GLIS1: variants seen among roughly 807,000 people sequenced by gnomAD.
The protein encoded by GLIS1 is GLIS family zinc finger 1, also known as zinc finger protein GLIS1.
A neutral mutation model predicts 63.8 loss-of-function variants in GLIS1; 24 were observed. The ratio of observed to expected loss-of-function variants is 0.38; its 90% CI spans 0.27 to 0.53. The LOEUF (loss-of-function observed/expected upper bound fraction) is 0.53. Ranked by LOEUF, GLIS1 falls within the 20% of genes least tolerant of loss-of-function variation. The pLI is 0.85. For synonymous variants in GLIS1, 450 were observed against 482.5 expected (o/e 0.93, Z 0.88); for missense variants, 1,036 against 1,074.1 (o/e 0.96, Z 0.50).
chr1:53,619,757 C>T (rs1021047304), intron 2 of GLIS1, among the ~76,000 whole-genome samples: 1 of 152,352 alleles, frequency 6.6e-6, no homozygotes, highest in East Asian at 1.9e-4. Flanking sequence ...TGAGAAGCAT[C>T]CCTCAGCCAT....
At chr1:53,616,768 G>A (rs903596784) in intron 2 of GLIS1, among the ~76,000 whole-genome samples, 3 of 152,138 alleles carry the variant, frequency 2.0e-5, no homozygotes, top group African/African-American at 4.8e-5. Flanking sequence ...GGCACAATCC[G>A]GAGATCCAGC....
chr1:53,648,147 C>T (rs1330423383), intron 2 of GLIS1, among the ~76,000 whole-genome samples: 1 of 151,834 alleles, frequency 6.6e-6, no homozygotes, highest in Non-Finnish European at 1.5e-5. Flanking sequence ...GCATTCCAGC[C>T]TGAGCAACAA....
intron 3 of GLIS1, among the ~76,000 whole-genome samples, chr1:53,597,849 C>T (rs995014870): frequency 2.6e-5 from 4 of 151,928 alleles, no homozygotes; most frequent in African/African-American, 7.3e-5. Context: ...TCTCCTGTGC[C>T]GTAAATTGTC....
chr1:53,597,269 A>T (rs1001646982), intron 3 of GLIS1, among the ~76,000 whole-genome samples: 8 of 137,334 alleles, frequency 5.8e-5, no homozygotes, highest in African/African-American at 2.2e-4. Context: ...GCTACTCGGG[A>T]GCCTGAGGCA....
intron 2 of GLIS1, among the ~76,000 whole-genome samples, chr1:53,672,768 C>T (rs1018490669): frequency 6.6e-5 from 10 of 152,194 alleles, no homozygotes; most frequent in Non-Finnish European, 1.2e-4. Flanking sequence ...CTCCCCTTCC[C>T]GACACAAACC....
chr1:53,605,146 G>A (rs1424644959), intron 2 of GLIS1, among the ~76,000 whole-genome samples: 1 of 152,028 alleles, frequency 6.6e-6, no homozygotes, highest in Non-Finnish European at 1.5e-5. Context: ...TTACAGGGTG[G>A]AGCTGAGGGT....
chr1:53,537,402 A>C (rs1381269343), intron 4 of GLIS1, among the ~76,000 whole-genome samples: 4 of 152,234 alleles, frequency 2.6e-5, no homozygotes, highest in Admixed American at 6.5e-5. Context: ...CTCCTGGGGA[A>C]GAACCAAGGG....
rs148798944 is a variant in GLIS1, at chr1:53,548,185, C to T, written c.1321-18233G>A. ...AGATGATCTCACAGGGCCGTTCTGGCTCTGGCACTCCACATCCAGGGTGTG... is the reference window on the plus strand; with the variant it reads ...AGATGATCTCACAGGGCCGTTCTGGTTCTGGCACTCCACATCCAGGGTGTG... On this transcript the variant is annotated intron_variant, in intron 4 of 10. Transcript: ENST00000628545. 7.4e-4 allele frequency among the ~76,000 whole-genome samples: 112 copies of T among 152,312 alleles called. 1 individual carries two copies. Among genetic ancestry groups the T allele is most frequent in the African/African-American group, 2.6e-3 (108 of 41,578 alleles).
chr1:53,612,820 C>CTT (rs11303017), intron 2 of GLIS1, among the ~76,000 whole-genome samples: 1 of 122,708 alleles, frequency 8.1e-6, no homozygotes, highest in African/African-American at 3.0e-5. Context: ...TCTTTGATGC[C>CTT]TTTTTTTTTT....
intron 2 of GLIS1, among the ~76,000 whole-genome samples, chr1:53,649,605 A>T (rs1289920013): frequency 6.6e-6 from 1 of 152,250 alleles, no homozygotes; most frequent in African/African-American, 2.4e-5. Context: ...AAGTCATGAC[A>T]TGACAAGAAA....
intron 4 of GLIS1, among the ~76,000 whole-genome samples, chr1:53,535,328 G>A (rs1200364442): frequency 1.3e-5 from 2 of 152,072 alleles, no homozygotes; most frequent in African/African-American, 4.8e-5. Flanking sequence ...CAGGGCTGAT[G>A]CCCTGGGTCT....
At chr1:53,530,330 A>G (rs894342118) in intron 4 of GLIS1, among the ~76,000 whole-genome samples, 17 of 152,302 alleles carry the variant, frequency 1.1e-4, no homozygotes, top group African/African-American at 4.1e-4. Flanking sequence ...GAAATAGGGA[A>G]GGACCCACAG....
intron 2 of GLIS1, among the ~76,000 whole-genome samples, chr1:53,735,918 A>G (rs1404760003): frequency 6.6e-6 from 1 of 151,876 alleles, no homozygotes; most frequent in East Asian, 1.9e-4. Flanking sequence ...CAGCAGGGAA[A>G]CCTCTCCAAG....
Position 53,594,170 on chromosome 1 carries a change from C to A in GLIS1, c.1258G>T (p.Ala420Ser). 1 of 1,613,944 alleles carries A rather than the reference C, an allele frequency of 6.2e-7. No individual in the cohort carries two copies. Among genetic ancestry groups the A allele is most frequent in the African/African-American group, 1.3e-5 (1 of 75,068 alleles). ...GCVRRYKPFN[A>S]RYKLLIHMRV... ...ATGTGGATGAGCAGCTTGTAGCGGG[C>A]GTTGAAGGGCTTGTAGCGGCGCACG... The change falls in exon 4 of 11, where the codon GCC becomes TCC. Residue 420 changes from alanine (A) to serine (S), a missense_variant. Coordinates refer to ENST00000628545, the MANE Select transcript of GLIS1 (RefSeq NM_001367484.1).
intron 2 of GLIS1, among the ~76,000 whole-genome samples, chr1:53,706,256 C>T (rs182551898): frequency 6.6e-6 from 1 of 152,302 alleles, no homozygotes; most frequent in Non-Finnish European, 1.5e-5. Context: ...TTCTTAGCCC[C>T]ATGCCATTCT....
chr1:53,654,990 T>C (rs1156956401), intron 2 of GLIS1, among the ~76,000 whole-genome samples: 1 of 152,204 alleles, frequency 6.6e-6, no homozygotes. Context: ...GGGATGGGGA[T>C]GACTCAACAG....
chr1:53,668,515 C>T (rs550726633), intron 2 of GLIS1, among the ~76,000 whole-genome samples: 4 of 152,174 alleles, frequency 2.6e-5, no homozygotes, highest in Non-Finnish European at 5.9e-5. Flanking sequence ...GTGCACGCCA[C>T]CATGCCCGGC....
At chr1:53,618,233 GT>G (rs1476917854) in intron 2 of GLIS1, among the ~76,000 whole-genome samples, 1 of 152,242 alleles carries the variant, frequency 6.6e-6, no homozygotes, top group East Asian at 1.9e-4. Flanking sequence ...TTCTCCCGCT[GT>G]AAGTGATCAG....
Position 53,591,953 on chromosome 1 carries a change from T to C in GLIS1, c.1320+2155A>G, listed in dbSNP as rs185356834. On this transcript the variant is annotated intron_variant, in intron 4 of 10. Coordinates refer to ENST00000628545, the MANE Select transcript of GLIS1 (RefSeq NM_001367484.1). ...TATCACCTCCTCCATGAAGCCCTTC[T>C]GGGCCTTCCCTCCCTGGGACTATGC... Among the ~76,000 whole-genome samples the C allele has an allele frequency of 8.5e-3, 1,295 of 152,352 alleles. 16 individuals carry two copies. Among genetic ancestry groups the C allele is most frequent in the African/African-American group, 0.03 (1,240 of 41,580 alleles).
Sources: allele counts gnomAD v4.1 joint callset (sites outside exome capture counted in the v4.1 genomes callset), GRCh38; gene constraint gnomAD v4.1.1; transcripts MANE v1.5; gene names NCBI Gene and HGNC (gene_info 2026-07-23, HGNC 2026-07-21).